The following DAOA variants were observed in gnomAD, a reference collection of about 807,000 sequenced individuals.
DAOA encodes D-amino acid oxidase activator, also known as D-amino acid oxidase regulator.
DAOA carries 15 observed loss-of-function variants against 16.4 expected under a neutral mutation model. The ratio of observed to expected loss-of-function variants is 0.91; its 90% CI spans 0.61 to 1.41. The LOEUF (loss-of-function observed/expected upper bound fraction) is 1.41. Ranked by LOEUF, DAOA falls within the 40% of genes most tolerant of loss-of-function variation. The pLI is 0.00. For synonymous variants in DAOA, 75 were observed against 59.1 expected, an observed-to-expected ratio of 1.27 and a Z score of -1.23; for missense variants, 230 against 176.8, an observed-to-expected ratio of 1.30 and a Z score of -1.71.
At chr13:105,482,005 C>A (rs56315547) in intron 4 of DAOA, among the ~76,000 whole-genome samples, 2,588 of 152,240 alleles carry the variant, frequency 0.017, 61 homozygotes, top group African/African-American at 0.052. Context: ...GAAGGAAGAG[C>A]AAAGGGACTT....
intron 4 of DAOA, among the ~76,000 whole-genome samples, chr13:105,485,713 C>T (rs1388225783): frequency 1.3e-5 from 2 of 152,044 alleles, no homozygotes; most frequent in African/African-American, 2.4e-5. Context: ...AGAAGAGGTA[C>T]AGAGGCAGAC....
chr13:105,482,121 A>G (rs1315805585), intron 4 of DAOA, among the ~76,000 whole-genome samples: 1 of 152,018 alleles, frequency 6.6e-6, no homozygotes, highest in Non-Finnish European at 1.5e-5. Context: ...CACAGGAAAG[A>G]CCTGCCCCCA....
intron 4 of DAOA, among the ~76,000 whole-genome samples, chr13:105,489,385 T>C (rs1299219786): frequency 6.6e-6 from 1 of 152,236 alleles, no homozygotes; most frequent in African/African-American, 2.4e-5. Flanking sequence ...ATTTACTCAT[T>C]TCAAAGCATT....
chr13:105,487,510 C>G (rs1178388608), intron 4 of DAOA, among the ~76,000 whole-genome samples: 3 of 151,840 alleles, frequency 2.0e-5, no homozygotes, highest in Non-Finnish European at 4.4e-5. Flanking sequence ...CTCCCTGATA[C>G]CTTTTCCCTT....
Position 105,467,110 on chromosome 13 carries a change from G to T in DAOA, c.102G>T (p.Leu34=). The T allele has an allele frequency of 6.2e-7, 1 of 1,610,452 alleles. No homozygotes were observed. Among genetic ancestry groups the T allele is most frequent in the South Asian group, 1.1e-5 (1 of 90,730 alleles). ...YFIGFQRSIL[L]SKSENSLNSI... ...TAGGTTTTCAAAGGAGCATTCTTCTGAGCAAATCTGAAAACTCTCTAAACT... is the reference window on the plus strand; with the variant it reads ...TAGGTTTTCAAAGGAGCATTCTTCTTAGCAAATCTGAAAACTCTCTAAACT... Residue 34 remains leucine, a synonymous_variant, in exon 3 of 6, where the codon CTG becomes CTT. Coordinates refer to ENST00000375936, the MANE Select transcript of DAOA (RefSeq NM_172370.5).
At chr13:105,480,397 A>G (rs186442917) in intron 4 of DAOA, among the ~76,000 whole-genome samples, 148 of 152,120 alleles carry the variant, frequency 9.7e-4, no homozygotes, top group African/African-American at 3.3e-3. Flanking sequence ...AAGGAGAGGA[A>G]TGTCAATGGT....
chr13:105,470,890 A>G (rs983027580), intron 3 of DAOA, among the ~76,000 whole-genome samples: 3 of 152,064 alleles, frequency 2.0e-5, no homozygotes, highest in African/African-American at 4.8e-5. Flanking sequence ...TCCCGGGTTC[A>G]TGCCATTCTC....
chr13:105,479,273 A>G (rs968461878), intron 4 of DAOA, among the ~76,000 whole-genome samples: 4 of 152,162 alleles, frequency 2.6e-5, no homozygotes, highest in African/African-American at 7.2e-5. Context: ...AGCAACAAAC[A>G]TTACAGAAGT....
chr13:105,474,258 T>A (rs185654361), intron 4 of DAOA, among the ~76,000 whole-genome samples: 120 of 152,198 alleles, frequency 7.9e-4, no homozygotes, highest in Non-Finnish European at 1.4e-3. Context: ...ACCATATAAT[T>A]GCAGGCATCA....
At chr13:105,475,921 T>C (rs1877299166) in intron 4 of DAOA, among the ~76,000 whole-genome samples, 1 of 152,174 alleles carries the variant, frequency 6.6e-6, no homozygotes. Context: ...ACATTTATTT[T>C]GTGTGTTTTG....
chr13:105,486,701 C>T (rs553784424), intron 4 of DAOA, among the ~76,000 whole-genome samples: 1 of 152,030 alleles, frequency 6.6e-6, no homozygotes, highest in South Asian at 2.1e-4. Context: ...TCACTGCAAC[C>T]TCTGCCTCCC....
Position 105,466,211 on chromosome 13 carries a change from T to C in DAOA, c.-73-5T>C. On this transcript the variant is annotated splice_polypyrimidine_tract_variant and splice_region_variant and intron_variant, in intron 1 of 5. Coordinates refer to ENST00000375936, the MANE Select transcript of DAOA (RefSeq NM_172370.5). ...CTAGTGTATATGATGATTCTGTTGG[T>C]CCAGGATTTGGAAAGGGCATGGCAG... 6.2e-7 allele frequency: 1 copy of C among 1,605,926 alleles called. No homozygotes were observed. Among genetic ancestry groups the C allele is most frequent in the Non-Finnish European group, 8.5e-7 (1 of 1,175,520 alleles).
intron 4 of DAOA, among the ~76,000 whole-genome samples, chr13:105,476,253 A>G (rs1479253686): frequency 6.6e-6 from 1 of 152,162 alleles, no homozygotes; most frequent in African/African-American, 2.4e-5. Flanking sequence ...TAGCCTGGGA[A>G]CATCCAGGCA....
chr13:105,466,463 C>A, intron 2 of DAOA, 131 bp downstream of exon 2: 1 of 1,438,302 alleles, frequency 7.0e-7, no homozygotes, highest in Non-Finnish European at 9.5e-7. Context: ...GAAGCCTGAG[C>A]CCAGTATATG....
At chr13:105,489,754 A>G (rs1446397477) in intron 4 of DAOA, 147 bp from the exon 5 acceptor site, 1 of 1,529,644 alleles carries the variant, frequency 6.5e-7, no homozygotes, top group South Asian at 1.2e-5. Flanking sequence ...CTTGGTGGTC[A>G]CACATTTGTA....
At chr13:105,478,291 G>A (rs908961338) in intron 4 of DAOA, among the ~76,000 whole-genome samples, 2 of 152,134 alleles carry the variant, frequency 1.3e-5, no homozygotes, top group African/African-American at 4.8e-5. Flanking sequence ...TTTAATTAGA[G>A]GATTTCTGCA....
intron 4 of DAOA, among the ~76,000 whole-genome samples, chr13:105,486,388 C>T (rs527825506): frequency 3.3e-5 from 5 of 152,218 alleles, no homozygotes; most frequent in African/African-American, 9.6e-5. Flanking sequence ...TCTTCAGATG[C>T]CACTGCCTCA....
rs138378056 is a variant in DAOA, at chr13:105,481,163, T to C, written c.281+8478T>C. Among the ~76,000 whole-genome samples the C allele has an allele frequency of 6.0e-4, 92 of 152,304 alleles. 1 individual carries two copies. Among genetic ancestry groups the C allele is most frequent in the African/African-American group, 2.2e-3 (90 of 41,580 alleles). ...CCTTGGAAACATATTAATTGGGCCA[T>C]TGTGTTTTTTCATTTTGCTTTATAA... On this transcript the variant is annotated intron_variant, in intron 4 of 5. Transcript: ENST00000375936.
At chr13:105,477,635 G>A (rs1230063574) in intron 4 of DAOA, among the ~76,000 whole-genome samples, 1 of 152,102 alleles carries the variant, frequency 6.6e-6, no homozygotes, top group East Asian at 1.9e-4. Flanking sequence ...GAGGAGGGAG[G>A]ATCCCTTGAA....
Sources: allele counts gnomAD v4.1 joint callset (sites outside exome capture counted in the v4.1 genomes callset), GRCh38; gene constraint gnomAD v4.1.1; transcripts MANE v1.5; gene names NCBI Gene and HGNC (gene_info 2026-07-23, HGNC 2026-07-21).